The following PRKCB variants were observed in gnomAD, a reference collection of about 807,000 sequenced individuals.
PRKCB encodes protein kinase C beta.
PRKCB carries 13 observed loss-of-function variants against 81.5 expected under a neutral mutation model. The ratio of observed to expected loss-of-function variants is 0.16; its 90% CI spans 0.10 to 0.25. PRKCB has a LOEUF of 0.25. Among genes scored for constraint, PRKCB ranks in the 10% least tolerant of loss-of-function variants. The probability of loss-of-function intolerance (pLI) is 1.00; values close to 1 mark genes in which losing one functional copy is unlikely to be tolerated. For missense variants in PRKCB, 509 were observed against 875.7 expected (o/e 0.58, Z 5.29); for synonymous variants, 335 against 321.4 (o/e 1.04, Z -0.45).
intron 5 of PRKCB, among the ~76,000 whole-genome samples, chr16:24,084,983 A>C (rs1310708327): frequency 1.3e-5 from 2 of 152,148 alleles, no homozygotes; most frequent in Non-Finnish European, 2.9e-5. Flanking sequence ...GGGTATGCAC[A>C]CAGGATGTTG....
chr16:23,912,185 A>G (rs1858871), intron 2 of PRKCB, among the ~76,000 whole-genome samples: 86,393 of 151,776 alleles, frequency 0.57, 25,033 homozygotes, highest in Admixed American at 0.64. Context: ...ATCATCTTTC[A>G]CTTAGAATCT....
At chr16:23,916,212 T>G (rs1310896128) in intron 2 of PRKCB, among the ~76,000 whole-genome samples, 3 of 143,974 alleles carry the variant, frequency 2.1e-5, no homozygotes, top group Non-Finnish European at 4.5e-5. Flanking sequence ...TGCCACCACA[T>G]GTGGCTAATT....
At chr16:23,841,453 A>G (rs1962262242) in intron 2 of PRKCB, among the ~76,000 whole-genome samples, 1 of 151,980 alleles carries the variant, frequency 6.6e-6, no homozygotes, top group African/African-American at 2.4e-5. Context: ...TTCTCTAAGA[A>G]GATTTTTGGT....
chr16:24,154,632 C>G (rs1967128576), intron 9 of PRKCB, 52 bp from the exon 10 acceptor site: 1 of 1,583,772 alleles, frequency 6.3e-7, no homozygotes, highest in East Asian at 2.2e-5. Context: ...CTGCTCATAA[C>G]TGGCCCCCAG....
At chr16:23,836,838 T>G (rs1962170265) in intron 1 of PRKCB, among the ~76,000 whole-genome samples, 1 of 150,698 alleles carries the variant, frequency 6.6e-6, no homozygotes, top group African/African-American at 2.4e-5. Flanking sequence ...CTCACTCCTC[T>G]GTGCCTCCGG....
At chr16:24,190,763 C>A (rs535247011) in intron 15 of PRKCB, among the ~76,000 whole-genome samples, 1 of 151,938 alleles carries the variant, frequency 6.6e-6, no homozygotes, top group African/African-American at 2.4e-5. Context: ...GTGATTCGCC[C>A]GCCTAGGCCT....
chr16:24,185,354 T>C, intron 14 of PRKCB, 106 bp from the exon 15 acceptor site: 1 of 1,228,458 alleles, frequency 8.1e-7, no homozygotes, highest in South Asian at 1.3e-5. Context: ...AGCCTGGGTG[T>C]GTGGCTTCAC....
chr16:24,096,666 A>AATATATATAT lies in PRKCB; in HGVS notation c.821+2400_821+2409dup, dbSNP rs58341820. ...CCTTCCTATGGCAAAAAAAAAAAAAAATATATATATATATATATATATATA... is the reference window on the plus strand; with the variant it reads ...CCTTCCTATGGCAAAAAAAAAAAAAAATATATATATATATATATATATATATATATATATA... On this transcript the variant is annotated intron_variant, in intron 7 of 16. Coordinates refer to ENST00000643927, the MANE Select transcript of PRKCB (RefSeq NM_002738.7). Among the ~76,000 whole-genome samples, 222 of 32,430 alleles carry AATATATATAT rather than the reference A, an allele frequency of 6.8e-3. 2 individuals are homozygous for AATATATATAT. Among genetic ancestry groups the AATATATATAT allele is most frequent in the South Asian group, 0.011 (7 of 652 alleles). 21.3% of individuals were successfully genotyped at this position (32,430 alleles called of 152,430 possible). A position where few individuals can be genotyped will look rare whatever the true frequency, so the allele number is the denominator to read the frequency against.
chr16:24,030,882 G>C (rs1055258860), intron 3 of PRKCB, among the ~76,000 whole-genome samples: 1 of 136,512 alleles, frequency 7.3e-6, no homozygotes, highest in African/African-American at 2.8e-5. Flanking sequence ...TGGGTGATAA[G>C]AGCAAAACTC....
At chr16:24,131,104 G>A (rs1032661449) in intron 9 of PRKCB, among the ~76,000 whole-genome samples, 1 of 152,198 alleles carries the variant, frequency 6.6e-6, no homozygotes, top group Non-Finnish European at 1.5e-5. Context: ...GCTAGCACGA[G>A]CCAGGAATAA....
intron 2 of PRKCB, among the ~76,000 whole-genome samples, chr16:23,915,012 C>A (rs1207706524): frequency 2.6e-5 from 4 of 152,182 alleles, no homozygotes; most frequent in African/African-American, 4.8e-5. Flanking sequence ...CCCCTCTGGG[C>A]AGCCTTTTCT....
chr16:23,841,059 A>AT (rs894347204), intron 2 of PRKCB, among the ~76,000 whole-genome samples: 7 of 151,926 alleles, frequency 4.6e-5, no homozygotes, highest in African/African-American at 1.5e-4. Flanking sequence ...TCTCTATGGC[A>AT]TTTTTTTCTT....
intron 9 of PRKCB, 139 bp downstream of exon 9, chr16:24,124,120 A>G (rs1966833894): frequency 9.6e-7 from 1 of 1,044,928 alleles, no homozygotes; most frequent in South Asian, 1.6e-5. Flanking sequence ...CTTTGTAATG[A>G]ATACCATGAA....
intron 10 of PRKCB, among the ~76,000 whole-genome samples, chr16:24,170,312 T>G (rs1204632749): frequency 6.6e-6 from 1 of 151,858 alleles, no homozygotes; most frequent in African/African-American, 2.4e-5. Flanking sequence ...AATTAACAAA[T>G]TATGATGTGG....
chr16:23,844,236 C>A (rs1220692138), intron 2 of PRKCB, among the ~76,000 whole-genome samples: 1 of 152,218 alleles, frequency 6.6e-6, no homozygotes, highest in Non-Finnish European at 1.5e-5. Context: ...TGACTTCATT[C>A]ATCCAATCTC....
intron 9 of PRKCB, among the ~76,000 whole-genome samples, chr16:24,130,413 CAA>C (rs1966851679): frequency 6.6e-6 from 1 of 152,076 alleles, no homozygotes; most frequent in Non-Finnish European, 1.5e-5. Context: ...GTTAACTATG[CAA>C]AGAGGGGAAA....
intron 3 of PRKCB, among the ~76,000 whole-genome samples, chr16:24,011,498 T>TTTTCATTG (rs1965201928): frequency 6.6e-6 from 1 of 152,020 alleles, no homozygotes; most frequent in African/African-American, 2.4e-5. Context: ...TGTATCATTG[T>TTTTCATTG]TTTCATTGTT....
chr16:24,024,111 T>C (rs1965444499), intron 3 of PRKCB, among the ~76,000 whole-genome samples: 1 of 152,208 alleles, frequency 6.6e-6, no homozygotes, highest in Non-Finnish European at 1.5e-5. Flanking sequence ...TCTTTGTTTC[T>C]CCAGGTTCCT....
At chr16:24,172,674 C>A (rs1038329448) in intron 11 of PRKCB, among the ~76,000 whole-genome samples, 1 of 151,990 alleles carries the variant, frequency 6.6e-6, no homozygotes, top group South Asian at 2.1e-4. Context: ...GACGAGATCT[C>A]GTCTCTATAA....
Sources: allele counts gnomAD v4.1 joint callset (sites outside exome capture counted in the v4.1 genomes callset), GRCh38; gene constraint gnomAD v4.1.1; transcripts MANE v1.5; gene names NCBI Gene and HGNC (gene_info 2026-07-23, HGNC 2026-07-21).